Variants in LITAF observed in about 807,000 individuals in gnomAD.
LITAF encodes the protein lipopolysaccharide-induced tumor necrosis factor-alpha factor.
LITAF carries 9 observed loss-of-function variants against 14.5 expected under a neutral mutation model. The ratio of observed to expected loss-of-function variants is 0.62; its 90% CI spans 0.37 to 1.08. The LOEUF is 1.08. Among genes scored for constraint, LITAF ranks in the 50% least tolerant of loss-of-function variants. The probability of loss-of-function intolerance (pLI) is 0.01; values close to 1 mark genes in which losing one functional copy is unlikely to be tolerated. For missense variants in LITAF, 206 were observed against 213.4 expected (o/e 0.97, Z 0.22); for synonymous variants, 98 against 88.2 (o/e 1.11, Z -0.62).
intron 1 of LITAF, among the ~76,000 whole-genome samples, chr16:11,565,907 G>C (rs373110183): frequency 8.6e-5 from 13 of 151,942 alleles, no homozygotes; most frequent in Middle Eastern, 6.8e-3. Context: ...ATATGGTGCA[G>C]AGGTCAAGGG....
At chr16:11,601,150 A>G (rs2064924053), upstream of LITAF, among the ~76,000 whole-genome samples, 1 of 150,154 alleles carries the variant, frequency 6.7e-6, no homozygotes, top group Non-Finnish European at 1.5e-5. Flanking sequence ...ACCTGCCTCC[A>G]CACACACAGG....
chr16:11,600,759 T>C (rs2064921689), upstream of LITAF, among the ~76,000 whole-genome samples: 1 of 152,138 alleles, frequency 6.6e-6, no homozygotes. The surrounding 1 kb of genome is among the most constrained non-coding windows in gnomAD (Gnocchi z 4.1). Flanking sequence ...GGGGGAGAAC[T>C]TCCCTGCCTT....
At position 11,577,316 on chromosome 16, in the gene LITAF, A is replaced by ATTT. The variant is rs71136668; in HGVS notation, c.-6+9567_-6+9569dup. On this transcript the variant is annotated intron_variant, in intron 1 of 3. Transcript: ENST00000622633. ...TGGCATCAGCTCATTAGAAGTGTCT[A>ATTT]TTTTTTTTTTTTTTTTTTTGAGACG... Among the ~76,000 whole-genome samples the ATTT allele has an allele frequency of 9.5e-3, 1,221 of 127,998 alleles. 21 individuals are homozygous for ATTT. Among genetic ancestry groups the ATTT allele is most frequent in the Non-Finnish European group, 0.014 (870 of 62,078 alleles). 84.0% of individuals were successfully genotyped at this position (127,998 alleles called of 152,430 possible).
chr16:11,609,863 G>A (rs181816524), intron 3 of LITAF, among the ~76,000 whole-genome samples: 1 of 152,176 alleles, frequency 6.6e-6, no homozygotes, highest in Non-Finnish European at 1.5e-5. Flanking sequence ...AGGCTTTCCT[G>A]GCCAGTGATG....
intron 3 of LITAF, among the ~76,000 whole-genome samples, chr16:11,610,297 A>C (rs532541528): frequency 6.6e-6 from 1 of 152,224 alleles, no homozygotes; most frequent in Non-Finnish European, 1.5e-5. Flanking sequence ...CTGCCCCCGC[A>C]GGCTCCAGGC....
intron 1 of LITAF, among the ~76,000 whole-genome samples, chr16:11,564,709 G>A (rs2064424318): frequency 6.6e-6 from 1 of 152,242 alleles, no homozygotes; most frequent in South Asian, 2.1e-4. Context: ...CAGACTTCGG[G>A]AAGCCCGGGG....
At chr16:11,607,171 G>C (rs980340982) in intron 3 of LITAF, among the ~76,000 whole-genome samples, 1 of 152,182 alleles carries the variant, frequency 6.6e-6, no homozygotes, top group South Asian at 2.1e-4. Flanking sequence ...AGTTGGGAAA[G>C]TAAAACCCCC....
chr16:11,573,314 T>C (rs1375113601), intron 1 of LITAF, among the ~76,000 whole-genome samples: 1 of 152,144 alleles, frequency 6.6e-6, no homozygotes, highest in African/African-American at 2.4e-5. Flanking sequence ...AAGAGCAAAA[T>C]GTTGGTAACA....
intron 1 of LITAF, among the ~76,000 whole-genome samples, chr16:11,573,080 C>T (rs1332546938): frequency 2.0e-5 from 3 of 152,000 alleles, no homozygotes; most frequent in South Asian, 2.1e-4. Flanking sequence ...AGGCGTGTGC[C>T]ACCACGCCTG....
upstream of LITAF, among the ~76,000 whole-genome samples, chr16:11,590,519 G>C (rs1433338084): frequency 5.1e-5 from 6 of 117,168 alleles, 2 homozygotes; most frequent in African/African-American, 2.4e-4. Context: ...TTGTGATAAA[G>C]TATTGAATTA....
intron 3 of LITAF, chr16:11,551,746 T>G: frequency 1.5e-6 from 1 of 685,222 alleles, no homozygotes; most frequent in Non-Finnish European, 2.7e-6. Flanking sequence ...CTGGGCGGAT[T>G]GCAGGAGCCC....
chr16:11,638,117 T>TCTATATAGATAGATAGATATAGATAG (rs1555475731), upstream of LITAF, among the ~76,000 whole-genome samples: 1 of 69,534 alleles, frequency 1.4e-5, no homozygotes, highest in African/African-American at 9.6e-5. Context: ...TATCTATCTA[T>TCTATATAGATAGATAGATATAGATAG]ATAGATAGAT....
intron 3 of LITAF, among the ~76,000 whole-genome samples, chr16:11,628,506 A>T (rs1465841137): frequency 6.6e-6 from 1 of 151,988 alleles, no homozygotes. Flanking sequence ...CTATTTTTTT[A>T]TTTTTTTGTT....
At chr16:11,604,961 A>G (rs1352954693) in intron 3 of LITAF, among the ~76,000 whole-genome samples, 3 of 152,092 alleles carry the variant, frequency 2.0e-5, no homozygotes, top group Non-Finnish European at 4.4e-5. Context: ...TCATCTTTGG[A>G]TGTGAAACAT....
At chr16:11,570,896 C>T (rs2141786421) in intron 1 of LITAF, among the ~76,000 whole-genome samples, 1 of 151,752 alleles carries the variant, frequency 6.6e-6, no homozygotes, top group East Asian at 1.9e-4. Flanking sequence ...CCAGCCTGGG[C>T]AACAGAGCAA....
chr16:11,570,665 C>T (rs746033425), intron 1 of LITAF, among the ~76,000 whole-genome samples: 17 of 152,164 alleles, frequency 1.1e-4, no homozygotes, highest in Non-Finnish European at 1.6e-4. Context: ...CAGGTAGGCC[C>T]GGTGTAATCA....
Position 11,553,728 on chromosome 16 carries a change from A to C in LITAF, c.221-39T>G. On this transcript the variant is annotated intron_variant, in intron 2 of 3. Coordinates refer to ENST00000622633, the MANE Select transcript of LITAF (RefSeq NM_001136472.2). The surrounding 1 kb of genome is among the most constrained non-coding windows in gnomAD (Gnocchi z 7.7). ...GAGGGACAAACACAGGTTGCTCAGGAAACAAGGCCAATAGCATTCACTACA... is the reference window on the plus strand; with the variant it reads ...GAGGGACAAACACAGGTTGCTCAGGCAACAAGGCCAATAGCATTCACTACA... 1 of 1,611,732 alleles carries C rather than the reference A, an allele frequency of 6.2e-7. No homozygotes were observed. The highest frequency in any genetic ancestry group is 8.5e-7 in the Non-Finnish European group (1 of 1,178,258).
upstream of LITAF, chr16:11,587,341 G>T: frequency 2.2e-6 from 1 of 446,732 alleles, no homozygotes; most frequent in Non-Finnish European, 4.5e-6. Flanking sequence ...CACCAACCTC[G>T]ACCCCGGACC....
At position 11,556,353 on chromosome 16, in the gene LITAF, T is replaced by C. The variant is rs191397456; in HGVS notation, c.220+158A>G. On this transcript the variant is annotated intron_variant, in intron 2 of 3. Transcript: ENST00000622633. ...AGCTGTGAGCCTCACCAACATGGAA[T>C]CTAAAAGACTGCGTGTGGAATTTCA... is the stretch of plus-strand genomic sequence containing the variant. 356 of 633,150 alleles carry C rather than the reference T, an allele frequency of 5.6e-4. 4 individuals carry two copies. The East Asian group carries it at 8.4e-3, about 15-fold the overall frequency. 39.2% of individuals were successfully genotyped at this position (633,150 alleles called of 1,614,324 possible).
Sources: gnomAD v4.1 joint callset for allele counts (sites outside exome capture counted in the v4.1 genomes callset) on GRCh38, gnomAD v4.1.1 for gene constraint, Gnocchi (gnomAD v3.1) non-coding constraint, MANE v1.5 for transcripts, NCBI Gene and HGNC (gene_info 2026-07-23, HGNC 2026-07-21) for gene names.